AGL: variants seen among roughly 807,000 people sequenced by gnomAD.
The protein encoded by AGL is glycogen debranching enzyme.
In AGL, 128 loss-of-function variants were observed where a neutral mutation model predicts 199.3. That is an observed-to-expected ratio of 0.64 (90% confidence interval 0.56 to 0.74). AGL has a LOEUF of 0.74. Ranked by LOEUF, AGL falls within the 30% of genes least tolerant of loss-of-function variation. The pLI is 0.00. For synonymous variants in AGL, 584 were observed against 594.7 expected (o/e 0.98, Z 0.26); for missense variants, 1,809 against 1,820.8 (o/e 0.99, Z 0.12).
intron 26 of AGL, among the ~76,000 whole-genome samples, chr1:99,901,761 TG>T (rs200158049): frequency 0.016 from 1,968 of 126,104 alleles, 25 homozygotes; most frequent in Middle Eastern, 0.095. Context: ...TATATATGAT[TG>T]GGGGGGCTGG....
intron 12 of AGL, among the ~76,000 whole-genome samples, chr1:99,878,076 C>T (rs1038836035): frequency 2.0e-5 from 3 of 152,110 alleles, no homozygotes; most frequent in Non-Finnish European, 2.9e-5. Context: ...AAGTTGATCA[C>T]GTTTCTGATA....
chr1:99,899,864 C>A (rs1417847377), intron 25 of AGL, among the ~76,000 whole-genome samples: 2 of 152,030 alleles, frequency 1.3e-5, no homozygotes, highest in African/African-American at 4.8e-5. Context: ...TCGTGATCTA[C>A]CCGCCTCAGC....
intron 5 of AGL, among the ~76,000 whole-genome samples, chr1:99,867,870 C>T (rs1351714073): frequency 6.6e-6 from 1 of 152,132 alleles, no homozygotes; most frequent in Non-Finnish European, 1.5e-5. Flanking sequence ...GAAAAATCTC[C>T]TTTTCTCCAC....
rs539099941 is a variant in AGL, at chr1:99,857,057, C to G, written c.83-4446C>G. On this transcript the variant is annotated intron_variant, in intron 2 of 33. Coordinates refer to ENST00000361915, the MANE Select transcript of AGL (RefSeq NM_000642.3). ...CTCACCTCCCGGATGGGGCGGCTGG[C>G]CGGGCAGGGGGCTGACCCCCCCACC... 2.6e-5 allele frequency among the ~76,000 whole-genome samples: 4 copies of G among 151,224 alleles called. No homozygotes were observed. In the East Asian group the frequency reaches 7.9e-4, roughly 30 times the overall value.
chr1:99,918,109 A>C (rs1655265619), intron 33 of AGL, among the ~76,000 whole-genome samples: 1 of 152,158 alleles, frequency 6.6e-6, no homozygotes. Flanking sequence ...AATTCTTATA[A>C]GTGTAAAACA....
intron 27 of AGL, among the ~76,000 whole-genome samples, chr1:99,904,985 A>G (rs574188463): frequency 1.3e-5 from 2 of 152,292 alleles, no homozygotes; most frequent in South Asian, 4.1e-4. Context: ...TTTTTCTGGG[A>G]TAAATGTCCA....
upstream of AGL, chr1:99,850,010 G>A (rs970980500): frequency 1.4e-4 from 21 of 152,328 alleles, no homozygotes; most frequent in African/African-American, 5.1e-4. Flanking sequence ...AGGTCCCCCG[G>A]CCCGGAGCCG....
At chr1:99,915,264 AC>A (rs1330190925) in intron 30 of AGL, 124 bp from the exon 31 acceptor site, 1 of 798,624 alleles carries the variant, frequency 1.3e-6, no homozygotes, top group Non-Finnish European at 2.2e-6. Flanking sequence ...AGGCATCTAC[AC>A]TCAAATTCTG....
chr1:99,882,518 C>T (rs549034147), intron 17 of AGL, among the ~76,000 whole-genome samples: 39 of 152,272 alleles, frequency 2.6e-4, no homozygotes, highest in African/African-American at 7.9e-4. Flanking sequence ...TTTTACTTCT[C>T]CCCAAATACT....
chr1:99,901,767 G>A (rs537686477), intron 26 of AGL, among the ~76,000 whole-genome samples: 6 of 152,022 alleles, frequency 3.9e-5, no homozygotes, highest in South Asian at 2.1e-4. Context: ...TGATTGGGGG[G>A]GCTGGGAGGG....
chr1:99,923,444 T>A lies in AGL; in HGVS notation c.*1793T>A, dbSNP rs1655648718. The A allele has an allele frequency of 1.3e-5, 2 of 152,134 alleles. No homozygotes were observed. The highest frequency in any genetic ancestry group is 6.6e-5 in the Admixed American group (1 of 15,252). 9.4% of individuals were successfully genotyped at this position (152,134 alleles called of 1,614,324 possible). A position where few individuals can be genotyped will look rare whatever the true frequency, so the allele number is the denominator to read the frequency against. On this transcript the variant is annotated 3_prime_UTR_variant, in exon 34 of 34. Coordinates refer to ENST00000361915, the MANE Select transcript of AGL (RefSeq NM_000642.3). Reference sequence around the variant, plus strand: ...TGACAGTTAAATGTGACCAAAAAAATTAAAAGTTCACAATTTTTTTAATGT... The same window carrying A: ...TGACAGTTAAATGTGACCAAAAAAAATAAAAGTTCACAATTTTTTTAATGT...
At chr1:99,896,912 G>A (rs1382757420) in intron 25 of AGL, among the ~76,000 whole-genome samples, 2 of 152,170 alleles carry the variant, frequency 1.3e-5, no homozygotes, top group African/African-American at 2.4e-5. Context: ...CGCCTCCCGG[G>A]TTGAAGCCAT....
rs561705443 is a variant in AGL, at chr1:99,904,788, AAT to A, written c.3700+1996_3700+1997del. ...ATCCATCCAAGTTGTTGCATTTATCAATAGTTTATTCCTTTTTATTGCTGAGT... is the reference window on the plus strand; with the variant it reads ...ATCCATCCAAGTTGTTGCATTTATCAAGTTTATTCCTTTTTATTGCTGAGT... On this transcript the variant is annotated intron_variant, in intron 27 of 33. Transcript: ENST00000361915. 1.7e-3 allele frequency among the ~76,000 whole-genome samples: 261 copies of A among 152,310 alleles called. 3 individuals carry two copies. The highest frequency in any genetic ancestry group is 5.9e-3 in the African/African-American group (244 of 41,574).
At position 99,880,674 on chromosome 1, in the gene AGL, T is replaced by C. The variant is rs750147691; in HGVS notation, c.1778T>C (p.Val593Ala). The C allele has an allele frequency of 1.2e-6, 2 of 1,614,034 alleles. No homozygotes were observed. The highest frequency in any genetic ancestry group is 2.2e-5 in the South Asian group (2 of 91,082). ...AYNSHEEGRL[V>A]YRYGGEPVGS... The stretch of plus-strand genomic sequence containing the variant: ...AATAGTCATGAAGAGGGCAGATTAG[T>C]TTACCGATATGGAGGAGAACCTGTT... Residue 593 changes from valine to alanine, a missense_variant, in exon 14 of 34, where the codon GTT becomes GCT. Coordinates refer to ENST00000361915, the MANE Select transcript of AGL (RefSeq NM_000642.3).
chr1:99,901,830 ATATT>A (rs139393425), intron 26 of AGL, among the ~76,000 whole-genome samples: 3,681 of 152,072 alleles, frequency 0.024, 58 homozygotes, highest in South Asian at 0.066. Context: ...TGTTCTCATG[ATATT>A]TATTTATATC....
At chr1:99,903,485 A>C (rs1570489028) in intron 27 of AGL, among the ~76,000 whole-genome samples, 1 of 152,202 alleles carries the variant, frequency 6.6e-6, no homozygotes, top group Admixed American at 6.5e-5. Flanking sequence ...TTATGGCTGC[A>C]TAGTATTCCA....
rs772038934 is a variant in AGL at position 99,884,596 on chromosome 1, C to T, written c.2574C>T (p.Val858=). The T allele has an allele frequency of 1.2e-5, 19 of 1,613,716 alleles. No individual in the cohort carries two copies. The highest frequency in any genetic ancestry group is 5.3e-5 in the African/African-American group (4 of 74,898). Reference sequence around the variant, plus strand: ...TTAGTCTTGATCCACATGCACAAGTCGCTGTTGGAATTCTTCGAAATCATC... The same window carrying T: ...TTAGTCTTGATCCACATGCACAAGTTGCTGTTGGAATTCTTCGAAATCATC... ...FRVSLDPHAQ[V]AVGILRNHLT... The change falls in exon 20 of 34, where the codon GTC becomes GTT. Residue 858 remains valine, a synonymous_variant. Coordinates refer to ENST00000361915, the MANE Select transcript of AGL (RefSeq NM_000642.3).
intron 2 of AGL, among the ~76,000 whole-genome samples, chr1:99,857,847 A>AGAGGGAGACCGTGGGGAGGGGGAGGTG (rs1557743553): frequency 1.2e-4 from 1 of 8,226 alleles, no homozygotes; most frequent in African/African-American, 4.8e-4. Flanking sequence ...GGGGAGGGGG[A>AGAGGGAGACCGTGGGGAGGGGGAGGTG]GGGGGGAAGA....
intron 27 of AGL, among the ~76,000 whole-genome samples, chr1:99,909,018 G>A (rs565306309): frequency 4.6e-5 from 7 of 152,058 alleles, no homozygotes; most frequent in Non-Finnish European, 7.4e-5. Flanking sequence ...GCTTTAAAGC[G>A]TGGTTTTCCA....
Sources: allele counts gnomAD v4.1 joint callset (sites outside exome capture counted in the v4.1 genomes callset), GRCh38; gene constraint gnomAD v4.1.1; transcripts MANE v1.5; gene names NCBI Gene and HGNC (gene_info 2026-07-23, HGNC 2026-07-21).